The following CCDC175 variants were observed in gnomAD, a reference collection of about 807,000 sequenced individuals.
The protein encoded by CCDC175 is coiled-coil domain-containing protein 175.
CCDC175 carries 100 observed loss-of-function variants against 114.6 expected under a neutral mutation model. The ratio of observed to expected loss-of-function variants is 0.87; its 90% confidence interval spans 0.74 to 1.03. The LOEUF is 1.03. CCDC175 is among the 50% of genes least tolerant of loss of function. The pLI is 0.00. For synonymous variants in CCDC175, 306 were observed against 308.7 expected (o/e 0.99, Z 0.09); for missense variants, 880 against 917.8 (o/e 0.96, Z 0.53).
chr14:59,530,062 G>A (rs1202141675), intron 14 of CCDC175, among the ~76,000 whole-genome samples: 1 of 152,138 alleles, frequency 6.6e-6, no homozygotes, highest in East Asian at 1.9e-4. Context: ...TAGGAAGAAT[G>A]GCTGGGAAAG....
chr14:59,550,358 AT>A (rs1409174688), intron 8 of CCDC175, among the ~76,000 whole-genome samples: 1 of 152,086 alleles, frequency 6.6e-6, no homozygotes, highest in African/African-American at 2.4e-5. Flanking sequence ...TTCATTGAAT[AT>A]TTTGAGGCTA....
chr14:59,539,118 T>C (rs533645369), intron 11 of CCDC175, among the ~76,000 whole-genome samples: 1 of 152,232 alleles, frequency 6.6e-6, no homozygotes, highest in Admixed American at 6.5e-5. Context: ...AGGTAAAGGA[T>C]AGAAATGAGG....
intron 4 of CCDC175, among the ~76,000 whole-genome samples, chr14:59,565,944 T>A: frequency 6.6e-6 from 1 of 152,178 alleles, no homozygotes; most frequent in African/African-American, 2.4e-5. Flanking sequence ...TGTCATCATG[T>A]CTATCTTATC....
rs1333902051 is a variant in CCDC175 at position 59,561,176 on chromosome 14, T to A, written c.896A>T (p.Tyr299Phe). 1 of 1,535,940 alleles carries A rather than the reference T, an allele frequency of 6.5e-7. No individual in the cohort carries two copies. The highest frequency in any genetic ancestry group is 8.7e-7 in the Non-Finnish European group (1 of 1,145,920). The change falls in exon 7 of 20, where the codon TAT becomes TTT. Residue 299 changes from tyrosine to phenylalanine, a missense_variant. Transcript: ENST00000537690. ...TAGCTCACTGACCTCTTGTTCCCAA[T>A]ACCTTATTGATTCGTGTAGTCGTGC... ...EIARLHESIR[Y>F]WEQEVSELKK...
chr14:59,538,922 G>C, intron 11 of CCDC175, 82 bp from the exon 12 acceptor site: 1 of 1,291,930 alleles, frequency 7.7e-7, no homozygotes, highest in South Asian at 1.5e-5. Context: ...AGCAAAACAA[G>C]TCATACTATG....
intron 1 of CCDC175, 130 bp from the exon 2 acceptor site, chr14:59,575,158 TTACAC>T (rs1897038801): frequency 5.5e-6 from 3 of 541,216 alleles, no homozygotes; most frequent in East Asian, 2.9e-5. Context: ...TTATTGTACA[TTACAC>T]TAATCTCTTT....
chr14:59,506,783 T>C (rs725952), intron 19 of CCDC175, among the ~76,000 whole-genome samples: 206 of 152,348 alleles, frequency 1.4e-3, no homozygotes, highest in African/African-American at 4.8e-3. Flanking sequence ...ATGTAGATGA[T>C]TGTATCAAGC....
chr14:59,562,995 TA>T (rs1353657901), intron 6 of CCDC175, among the ~76,000 whole-genome samples: 2 of 152,214 alleles, frequency 1.3e-5, no homozygotes, highest in Non-Finnish European at 2.9e-5. Flanking sequence ...TATTCAGTTT[TA>T]CTGTTGTACC....
chr14:59,529,116 C>T (rs1036068411), intron 14 of CCDC175, among the ~76,000 whole-genome samples: 2 of 152,134 alleles, frequency 1.3e-5, no homozygotes, highest in Non-Finnish European at 2.9e-5. Flanking sequence ...TTGAGGGGAC[C>T]ATCGAATGTC....
intron 3 of CCDC175, 148 bp from the exon 4 acceptor site, chr14:59,568,528 T>A (rs1896680461): frequency 1.6e-6 from 1 of 617,210 alleles, no homozygotes; most frequent in Non-Finnish European, 2.6e-6. Context: ...CCTCTCAATC[T>A]TACCTACTAA....
At chr14:59,527,217 T>TA (rs1206818377) in intron 14 of CCDC175, 43 bp from the exon 15 acceptor site, 1 of 1,024,938 alleles carries the variant, frequency 9.8e-7, no homozygotes, top group Non-Finnish European at 1.4e-6. Flanking sequence ...AAAATTTAGT[T>TA]AAAAAATATT....
At chr14:59,567,801 C>T (rs775409383) in intron 4 of CCDC175, among the ~76,000 whole-genome samples, 8 of 152,152 alleles carry the variant, frequency 5.3e-5, no homozygotes, top group Non-Finnish European at 7.3e-5. Context: ...TAAATATCTT[C>T]AATGAACTGA....
chr14:59,535,787 C>T (rs1894357399), intron 13 of CCDC175, among the ~76,000 whole-genome samples: 1 of 152,374 alleles, frequency 6.6e-6, no homozygotes, highest in Non-Finnish European at 1.5e-5. Flanking sequence ...CCTGATGCTC[C>T]ACTTGGATCT....
At chr14:59,517,711 G>A (rs553382086) in intron 17 of CCDC175, among the ~76,000 whole-genome samples, 2 of 152,252 alleles carry the variant, frequency 1.3e-5, no homozygotes, top group East Asian at 3.9e-4. Context: ...CTCACGGGTA[G>A]GAAGAATCAA....
chr14:59,565,048 T>A lies in CCDC175; in HGVS notation c.719A>T (p.Gln240Leu), dbSNP rs1896442479. 6.6e-7 allele frequency: 1 copy of A among 1,512,418 alleles called. No individual in the cohort carries two copies. Among genetic ancestry groups the A allele is most frequent in the African/African-American group, 1.4e-5 (1 of 72,156 alleles). The allele number at this position is 1,512,418 out of a possible 1,614,324, so 93.7% of individuals were successfully genotyped here. Reference protein sequence around the residue: ...YLIRKQELTAQINEFENTREV... With the variant: ...YLIRKQELTALINEFENTREV... ...TAAAGAATAAATCATGCCACTTACC[T>A]GTGCAGTCAACTCTTGTTTTCTTAT... Residue 240 changes from glutamine (Q) to leucine (L), a missense_variant and splice_region_variant, in exon 5 of 20, where the codon CAG becomes CTG. By Grantham distance (113) the Gln-to-Leu change is moderately radical. Transcript: ENST00000537690.
At chr14:59,548,517 T>A (rs1023877321) in intron 8 of CCDC175, among the ~76,000 whole-genome samples, 1 of 152,174 alleles carries the variant, frequency 6.6e-6, no homozygotes, top group Admixed American at 6.5e-5. Context: ...AAAGGAAAAC[T>A]CTTTGACCAA....
intron 12 of CCDC175, among the ~76,000 whole-genome samples, chr14:59,538,384 G>A (rs1894542599): frequency 1.3e-5 from 2 of 152,158 alleles, no homozygotes. Flanking sequence ...AGAGGACAGT[G>A]AGTGAGCAGA....
At chr14:59,547,777 T>C (rs529733253) in intron 8 of CCDC175, among the ~76,000 whole-genome samples, 1 of 152,286 alleles carries the variant, frequency 6.6e-6, no homozygotes, top group African/African-American at 2.4e-5. Flanking sequence ...TCTCATGACA[T>C]AGGACATAGA....
chr14:59,516,793 G>A (rs1893116869), intron 17 of CCDC175, among the ~76,000 whole-genome samples: 1 of 152,170 alleles, frequency 6.6e-6, no homozygotes, highest in Non-Finnish European at 1.5e-5. Flanking sequence ...AATAGAAAAA[G>A]AGGGAATCCT....
Sources: allele counts gnomAD v4.1 joint callset (sites outside exome capture counted in the v4.1 genomes callset), GRCh38; gene constraint gnomAD v4.1.1; transcripts MANE v1.5; gene names NCBI Gene and HGNC (gene_info 2026-07-23, HGNC 2026-07-21).